Variants in CUBN observed in about 807,000 individuals in gnomAD.
The protein encoded by CUBN is 460 kDa receptor.
Under a neutral mutation model 405.3 loss-of-function variants are expected in CUBN, and 282 were observed. That is an observed-to-expected ratio of 0.70 (90% CI 0.63 to 0.77). CUBN has a LOEUF of 0.77. CUBN is among the 30% of genes least tolerant of loss of function. CUBN has a pLI of 0.00. For synonymous variants in CUBN, 1,684 were observed against 1,617.0 expected (o/e 1.04, Z -0.99); for missense variants, 4,514 against 4,475.2 (o/e 1.01, Z -0.25).
At chr10:16,898,805 T>G (rs1179865253) in intron 54 of CUBN, among the ~76,000 whole-genome samples, 191 bp downstream of exon 54, 6 of 152,168 alleles carry the variant, frequency 3.9e-5, no homozygotes. Context: ...CCCTTTAGGA[T>G]CTATTAGAAA....
intron 7 of CUBN, 103 bp downstream of exon 7, chr10:17,115,368 C>G: frequency 6.8e-7 from 1 of 1,465,296 alleles, no homozygotes; most frequent in Non-Finnish European, 9.5e-7. Context: ...GTGACTTCAC[C>G]TCTGTAAGCT....
chr10:17,104,024 C>A (rs1274354738), intron 12 of CUBN, among the ~76,000 whole-genome samples: 3 of 152,138 alleles, frequency 2.0e-5, no homozygotes, highest in African/African-American at 4.8e-5. Flanking sequence ...CTCTATTTAA[C>A]AGGCAACGGG....
intron 48 of CUBN, among the ~76,000 whole-genome samples, chr10:16,909,175 G>A (rs1416082579): frequency 2.0e-5 from 3 of 152,204 alleles, no homozygotes; most frequent in Admixed American, 6.5e-5. Flanking sequence ...GTGAGCCACC[G>A]CGCCCGGCCA....
intron 31 of CUBN, among the ~76,000 whole-genome samples, chr10:16,970,558 A>G (rs961427581): frequency 1.4e-5 from 2 of 146,730 alleles, no homozygotes; most frequent in Non-Finnish European, 3.0e-5. Flanking sequence ...CCTGGGCAAC[A>G]AGAGTGAAAC....
chr10:16,967,062 G>A (rs1244474968), intron 31 of CUBN, among the ~76,000 whole-genome samples: 3 of 152,206 alleles, frequency 2.0e-5, no homozygotes, highest in Non-Finnish European at 4.4e-5. Flanking sequence ...TCATAAATGT[G>A]AATGCGGAAG....
chr10:16,907,758 A>G, intron 48 of CUBN, 79 bp from the exon 49 acceptor site: 1 of 1,476,910 alleles, frequency 6.8e-7, no homozygotes, highest in Non-Finnish European at 9.4e-7. Context: ...TTTCCAGCCC[A>G]GACCCACTTC....
intron 31 of CUBN, among the ~76,000 whole-genome samples, chr10:16,973,077 A>C (rs1388588411): frequency 6.6e-6 from 1 of 152,174 alleles, no homozygotes; most frequent in Admixed American, 6.5e-5. Context: ...GGATAATTTC[A>C]AATTCTTAAC....
At chr10:17,095,584 T>C (rs1460607964) in intron 14 of CUBN, among the ~76,000 whole-genome samples, 1 of 152,020 alleles carries the variant, frequency 6.6e-6, no homozygotes, top group East Asian at 1.9e-4. Context: ...GAATGGCCAT[T>C]ATCGAGAAGA....
chr10:16,862,882 T>C (rs946819172), intron 59 of CUBN, among the ~76,000 whole-genome samples: 3 of 152,220 alleles, frequency 2.0e-5, no homozygotes, highest in Non-Finnish European at 4.4e-5. Context: ...CAAAATGTTA[T>C]CCTATAATTT....
At chr10:17,101,955 T>C (rs1836502056) in intron 13 of CUBN, among the ~76,000 whole-genome samples, 1 of 152,210 alleles carries the variant, frequency 6.6e-6, no homozygotes, top group African/African-American at 2.4e-5. Context: ...AGCAAAGACA[T>C]TTGATAAGAA....
At chr10:17,096,368 T>C (rs1836375417) in intron 14 of CUBN, among the ~76,000 whole-genome samples, 1 of 152,150 alleles carries the variant, frequency 6.6e-6, no homozygotes, top group Non-Finnish European at 1.5e-5. Flanking sequence ...GTTATACATA[T>C]ATCAAAATAT....
At chr10:16,947,182 C>A (rs1842808768) in intron 36 of CUBN, 53 bp downstream of exon 36, 1 of 1,597,982 alleles carries the variant, frequency 6.3e-7, no homozygotes, top group Non-Finnish European at 8.6e-7. Context: ...ACCAGAACTT[C>A]TTTCCTACAG....
chr10:16,900,610 A>G lies in CUBN; in HGVS notation c.8410+15T>C. 1 of 1,579,258 alleles carries G rather than the reference A, an allele frequency of 6.3e-7. No homozygotes were observed. The highest frequency in any genetic ancestry group is 8.7e-7 in the Non-Finnish European group (1 of 1,148,098). On this transcript the variant is annotated intron_variant, in intron 53 of 66. Transcript: ENST00000377833. ...CACTAAAAAGAAAATCAAATGGAGC[A>G]AACATTTCTTTTACCTAAAGTTTGT...
chr10:16,992,100 A>G (rs1245091193), intron 28 of CUBN, among the ~76,000 whole-genome samples: 1 of 152,224 alleles, frequency 6.6e-6, no homozygotes, highest in Admixed American at 6.5e-5. Context: ...AGGGACATGG[A>G]TGAAGCTGGA....
intron 28 of CUBN, among the ~76,000 whole-genome samples, chr10:17,019,511 C>T (rs1834436136): frequency 6.6e-6 from 1 of 152,180 alleles, no homozygotes; most frequent in Admixed American, 6.5e-5. Flanking sequence ...CCCCAACTTG[C>T]AGTTAGCTTG....
rs1197975630 is a variant in CUBN at position 17,039,373 on chromosome 10, T to C, written c.4017+1660A>G. On this transcript the variant is annotated intron_variant, in intron 27 of 66. Coordinates refer to ENST00000377833, the MANE Select transcript of CUBN (RefSeq NM_001081.4). ...TATGGCTGTGATATTCAATTCAACT[T>C]GAACTTACTGAACTCCTGTAATGTC... Among the ~76,000 whole-genome samples, 6 of 152,190 alleles carry C rather than the reference T, an allele frequency of 3.9e-5. No individual in the cohort carries two copies. In the East Asian group the frequency reaches 9.6e-4, roughly 24 times the overall value.
intron 27 of CUBN, among the ~76,000 whole-genome samples, chr10:17,020,628 T>G (rs765616806): frequency 5.3e-5 from 8 of 152,218 alleles, no homozygotes; most frequent in Non-Finnish European, 1.0e-4. Flanking sequence ...TGATACTTTT[T>G]TCATTTGTAT....
intron 10 of CUBN, among the ~76,000 whole-genome samples, 155 bp from the exon 11 acceptor site, chr10:17,105,730 T>C (rs892679295): frequency 6.6e-6 from 1 of 152,184 alleles, no homozygotes; most frequent in Non-Finnish European, 1.5e-5. Flanking sequence ...GGAGAAAATA[T>C]TAGAATCTTT....
chr10:17,085,739 A>G lies in CUBN; in HGVS notation c.1968T>C (p.Tyr656=). ...DYLEIRDGPL[Y]QDPLLGKFCT... ...AGAACTTCCCAAGAAGGGGGTCCTG[A>G]TACAAAGGACCATCTCGAATCTAAA... Residue 656 remains tyrosine, a synonymous_variant, in exon 16 of 67, where the codon TAT becomes TAC. Coordinates refer to ENST00000377833, the MANE Select transcript of CUBN (RefSeq NM_001081.4). The G allele has an allele frequency of 6.2e-7, 1 of 1,613,926 alleles. No homozygotes were observed. Among genetic ancestry groups the G allele is most frequent in the Non-Finnish European group, 8.5e-7 (1 of 1,179,864 alleles).
Sources: gnomAD v4.1 joint callset for allele counts (sites outside exome capture counted in the v4.1 genomes callset) on GRCh38, gnomAD v4.1.1 for gene constraint, MANE v1.5 for transcripts, NCBI Gene and HGNC (gene_info 2026-07-23, HGNC 2026-07-21) for gene names.